The following CMYA5 variants were observed in gnomAD, a reference collection of about 807,000 sequenced individuals.
CMYA5 encodes cardiomyopathy-associated protein 5.
In CMYA5, 246 loss-of-function variants were observed where a neutral mutation model predicts 318.9. The ratio of observed to expected loss-of-function variants is 0.77; its 90% CI spans 0.70 to 0.86. The LOEUF (loss-of-function observed/expected upper bound fraction) is 0.86, where lower values mean the gene tolerates loss of function less well. Among genes scored for constraint, CMYA5 ranks in the 40% least tolerant of loss-of-function variants. CMYA5 has a pLI of 0.00. For missense variants in CMYA5, 4,589 were observed against 4,678.2 expected, an observed-to-expected ratio of 0.98 and a Z score of 0.56; for synonymous variants, 1,641 against 1,729.5, an observed-to-expected ratio of 0.95 and a Z score of 1.27.
At chr5:79,795,204 G>T (rs1829254855) in intron 12 of CMYA5, among the ~76,000 whole-genome samples, 1 of 152,134 alleles carries the variant, frequency 6.6e-6, no homozygotes, top group Non-Finnish European at 1.5e-5. Context: ...GTCCCTTTGT[G>T]TGGTCTCAGC....
chr5:79,736,430 G>A lies in CMYA5; in HGVS notation c.7665G>A (p.Gln2555=), dbSNP rs762043685. The change falls in exon 2 of 13, where the codon CAG becomes CAA. Residue 2555 remains glutamine, a synonymous_variant. Transcript: ENST00000446378. Reference sequence around the variant, plus strand: ...TGCTTTCAGAAGGAAAGAAGCAGCAGGAACATCAGCCTTATTCTGTGAATG... The same window carrying A: ...TGCTTTCAGAAGGAAAGAAGCAGCAAGAACATCAGCCTTATTCTGTGAATG... ...VYVLSEGKKQ[Q]EHQPYSVNVA... is the part of the protein sequence containing the mutation. 1 of 1,608,818 alleles carries A rather than the reference G, an allele frequency of 6.2e-7. No individual in the cohort carries two copies. The highest frequency in any genetic ancestry group is 8.5e-7 in the Non-Finnish European group (1 of 1,177,320).
chr5:79,726,854 A>G (rs1250810542), intron 1 of CMYA5, among the ~76,000 whole-genome samples: 2 of 151,218 alleles, frequency 1.3e-5, no homozygotes, highest in Non-Finnish European at 2.9e-5. Context: ...GTTTGCAGTG[A>G]GAAAGAAAGA....
At chr5:79,778,447 T>A (rs1303316930) in intron 9 of CMYA5, among the ~76,000 whole-genome samples, 1 of 152,190 alleles carries the variant, frequency 6.6e-6, no homozygotes, top group East Asian at 1.9e-4. Flanking sequence ...CTTTTGATCT[T>A]TTGACAATTT....
Position 79,704,204 on chromosome 5 carries a change from GA to G in CMYA5, c.149+14161del, listed in dbSNP as rs367695716. ...ATTTGGTATCTAAGATGGTGTCCAG[GA>G]AAAAAAAAAAAAGGTATTTAATGCT... On this transcript the variant is annotated intron_variant, in intron 1 of 12. Coordinates refer to ENST00000446378, the MANE Select transcript of CMYA5 (RefSeq NM_153610.5). Among the ~76,000 whole-genome samples the G allele has an allele frequency of 8.3e-3, 1,152 of 139,424 alleles. 3 individuals carry two copies. Among genetic ancestry groups the G allele is most frequent in the African/African-American group, 0.016 (627 of 38,200 alleles). 91.5% of individuals were successfully genotyped at this position (139,424 alleles called of 152,430 possible). A position where few individuals can be genotyped will look rare whatever the true frequency, so the allele number is the denominator to read the frequency against.
intron 1 of CMYA5, among the ~76,000 whole-genome samples, chr5:79,714,409 A>G (rs1187153705): frequency 7.1e-6 from 1 of 141,568 alleles, no homozygotes; most frequent in Admixed American, 7.0e-5. Flanking sequence ...TCTGTACCAC[A>G]TCTGATATCT....
Position 79,745,257 on chromosome 5 carries a change from A to G in CMYA5, c.10770A>G (p.Glu3590=), listed in dbSNP as rs369989152. ...NCSKNEKRLE[E]QNEEMMKKVL... is the part of the protein sequence containing the mutation. The stretch of plus-strand genomic sequence containing the variant: ...GTAAAAATGAGAAAAGGCTAGAAGA[A>G]CAGAATGAGGAAATGATGAAGAAGG... Residue 3590 remains glutamate, a synonymous_variant, in exon 4 of 13, where the codon GAA becomes GAG. Transcript: ENST00000446378. 105 of 1,602,804 alleles carry G rather than the reference A, an allele frequency of 6.6e-5. No individual in the cohort carries two copies. The highest frequency in any genetic ancestry group is 8.5e-5 in the Non-Finnish European group (100 of 1,174,102).
chr5:79,787,371 A>G (rs535610553), intron 9 of CMYA5, among the ~76,000 whole-genome samples: 2 of 152,326 alleles, frequency 1.3e-5, no homozygotes, highest in African/African-American at 4.8e-5. Context: ...TTTTGTTACT[A>G]ATTATAATTA....
intron 9 of CMYA5, among the ~76,000 whole-genome samples, chr5:79,775,203 T>C (rs1417149875): frequency 6.6e-6 from 1 of 152,222 alleles, no homozygotes; most frequent in Admixed American, 6.5e-5. Flanking sequence ...TCCCCCAGTG[T>C]CTTCGCGTTT....
In CMYA5 at chr5:79,729,663, T is replaced by C. The variant is rs780688412; in HGVS notation, c.898T>C (p.Phe300Leu). 1.4e-5 allele frequency: 22 copies of C among 1,613,580 alleles called. No homozygotes were observed. The highest frequency in any genetic ancestry group is 1.9e-5 in the Non-Finnish European group (22 of 1,179,840). The change falls in exon 2 of 13, where the codon TTT becomes CTT. Residue 300 changes from phenylalanine to leucine, a missense_variant. Phe to Leu is a conservative substitution (Grantham distance 22). Coordinates refer to ENST00000446378, the MANE Select transcript of CMYA5 (RefSeq NM_153610.5). ...QSIEDKVKEV[F>L]PPWRGALSKG... ...CATAGAGGATAAAGTAAAAGAGGTT[T>C]TTCCACCCTGGAGAGGCGCACTCTC... is the stretch of plus-strand genomic sequence containing the variant.
chr5:79,740,585 AT>A (rs1222417741), intron 2 of CMYA5, among the ~76,000 whole-genome samples: 1 of 152,058 alleles, frequency 6.6e-6, no homozygotes, highest in Non-Finnish European at 1.5e-5. Flanking sequence ...AGAAGCAGAA[AT>A]TTTTTTGCAT....
chr5:79,720,591 C>T (rs1827606822), intron 1 of CMYA5, among the ~76,000 whole-genome samples: 1 of 152,040 alleles, frequency 6.6e-6, no homozygotes, highest in Admixed American at 6.6e-5. Context: ...CATGCACCAC[C>T]ATGCCCAGCT....
chr5:79,730,188 C>T lies in CMYA5; in HGVS notation c.1423C>T (p.Pro475Ser), dbSNP rs1348173866. 3 of 1,613,782 alleles carry T rather than the reference C, an allele frequency of 1.9e-6. No individual in the cohort carries two copies. Among genetic ancestry groups the T allele is most frequent in the Non-Finnish European group, 2.5e-6 (3 of 1,179,894 alleles). ...RAEPVSAKLT[P>S]THPSVKGEKE... Reference sequence around the variant, plus strand: ...AGAACCAGTCTCCGCAAAACTGACCCCTACCCATCCCAGTGTCAAAGGAGA... The same window carrying T: ...AGAACCAGTCTCCGCAAAACTGACCTCTACCCATCCCAGTGTCAAAGGAGA... The change falls in exon 2 of 13, where the codon CCT (proline) becomes TCT (serine). Residue 475 changes from proline (P) to serine (S), a missense_variant. Pro to Ser is a moderately conservative substitution (Grantham distance 74, BLOSUM62 -1). Transcript: ENST00000446378.
intron 9 of CMYA5, among the ~76,000 whole-genome samples, chr5:79,788,518 G>A (rs926094864): frequency 2.0e-5 from 3 of 148,640 alleles, no homozygotes; most frequent in African/African-American, 7.5e-5. Context: ...CCAAGATCGA[G>A]TTTGCTTTAA....
At chr5:79,726,672 G>T (rs971935771) in intron 1 of CMYA5, among the ~76,000 whole-genome samples, 6 of 152,138 alleles carry the variant, frequency 3.9e-5, no homozygotes, top group Non-Finnish European at 8.8e-5. Flanking sequence ...GGGCCTGGCT[G>T]CCCCAGGCTC....
Position 79,729,427 on chromosome 5 carries a change from A to G in CMYA5, c.662A>G (p.Tyr221Cys). Reference sequence around the variant, plus strand: ...AAGCCATTAGTGTTAAGACCAGTCTACATAGGAACAGTACAATATAAAATT... The same window carrying G: ...AAGCCATTAGTGTTAAGACCAGTCTGCATAGGAACAGTACAATATAAAATT... ...EHKPLVLRPV[Y>C]IGTVQYKIKM... Residue 221 changes from tyrosine (Y) to cysteine (C), a missense_variant, in exon 2 of 13, where the codon TAC becomes TGC. Coordinates refer to ENST00000446378, the MANE Select transcript of CMYA5 (RefSeq NM_153610.5). 1 of 1,613,710 alleles carries G rather than the reference A, an allele frequency of 6.2e-7. No individual in the cohort carries two copies. The highest frequency in any genetic ancestry group is 2.2e-5 in the East Asian group (1 of 44,872).
At chr5:79,696,804 G>A (rs1219073614) in intron 1 of CMYA5, among the ~76,000 whole-genome samples, 4 of 152,078 alleles carry the variant, frequency 2.6e-5, no homozygotes, top group Non-Finnish European at 4.4e-5. Context: ...TCAGGAGTTC[G>A]AGACCAGCCT....
chr5:79,692,485 A>C (rs1269995463), intron 1 of CMYA5, among the ~76,000 whole-genome samples: 1 of 152,166 alleles, frequency 6.6e-6, no homozygotes, highest in African/African-American at 2.4e-5. Flanking sequence ...ACATACACCA[A>C]CATGGATATT....
intron 12 of CMYA5, among the ~76,000 whole-genome samples, chr5:79,795,019 G>A (rs1829250015): frequency 6.6e-6 from 1 of 152,160 alleles, no homozygotes; most frequent in South Asian, 2.1e-4. Flanking sequence ...TCATGAAAAT[G>A]TCTGTACACC....
Position 79,731,307 on chromosome 5 carries a change from T to G in CMYA5, c.2542T>G (p.Leu848Val). Residue 848 changes from leucine (L) to valine (V), a missense_variant, in exon 2 of 13, where the codon TTG becomes GTG. By Grantham distance (32) the Leu-to-Val change is conservative. Transcript: ENST00000446378. ...KEVIGPSSPD[L>V]VVASEHSFPP... Reference sequence around the variant, plus strand: ...GGTCATTGGACCATCTTCCCCAGATTTGGTTGTTGCATCTGAACACTCTTT... The same window carrying G: ...GGTCATTGGACCATCTTCCCCAGATGTGGTTGTTGCATCTGAACACTCTTT... The G allele has an allele frequency of 6.2e-7, 1 of 1,613,394 alleles. No homozygotes were observed. Among genetic ancestry groups the G allele is most frequent in the Non-Finnish European group, 8.5e-7 (1 of 1,179,752 alleles).
Sources: allele counts gnomAD v4.1 joint callset (sites outside exome capture counted in the v4.1 genomes callset), GRCh38; gene constraint gnomAD v4.1.1; transcripts MANE v1.5; gene names NCBI Gene and HGNC (gene_info 2026-07-23, HGNC 2026-07-21).